The following DPP6 variants were observed in gnomAD, a reference collection of about 807,000 sequenced individuals.
The protein encoded by DPP6 is dipeptidyl peptidase like 6, also known as A-type potassium channel modulatory protein DPP6.
In DPP6, 69 loss-of-function variants were observed where a neutral mutation model predicts 122.6. The observed-to-expected ratio is 0.56, with a 90% CI of 0.46 to 0.69. DPP6 has a LOEUF of 0.69. Ranked by LOEUF, DPP6 falls within the 30% of genes least tolerant of loss-of-function variation. The pLI, the probability that DPP6 is intolerant of heterozygous loss-of-function variation, is 0.00. For missense variants in DPP6, 928 were observed against 1,116.9 expected, an observed-to-expected ratio of 0.83 and a Z score of 2.41; for synonymous variants, 418 against 433.1, an observed-to-expected ratio of 0.97 and a Z score of 0.43.
intron 1 of DPP6, among the ~76,000 whole-genome samples, chr7:153,965,579 T>G (rs150808280): frequency 6.6e-6 from 1 of 152,016 alleles, no homozygotes; most frequent in African/African-American, 2.4e-5. Flanking sequence ...GTGGCGCGAT[T>G]TCAGCTCACT....
chr7:153,936,667 T>C (rs1162188731), intron 1 of DPP6, among the ~76,000 whole-genome samples: 1 of 151,020 alleles, frequency 6.6e-6, no homozygotes. Flanking sequence ...AAAAATTAGC[T>C]GGGCGGGGTG....
intron 4 of DPP6, among the ~76,000 whole-genome samples, chr7:154,564,561 C>A (rs1830621779): frequency 6.6e-6 from 1 of 152,202 alleles, no homozygotes; most frequent in African/African-American, 2.4e-5. Context: ...AATTTGTAAA[C>A]TGTTCACTTC....
chr7:154,118,123 G>A (rs1413110751), intron 1 of DPP6, among the ~76,000 whole-genome samples: 4 of 150,118 alleles, frequency 2.7e-5, no homozygotes, highest in African/African-American at 2.5e-5. Context: ...AGCTGTGCAT[G>A]ATGATAAGGC....
At chr7:153,998,839 G>C (rs1797562696) in intron 1 of DPP6, among the ~76,000 whole-genome samples, 1 of 152,208 alleles carries the variant, frequency 6.6e-6, no homozygotes, top group South Asian at 2.1e-4. Context: ...TTACACCCCA[G>C]ACTAAAGTGC....
At chr7:153,848,636 A>T in the DPP6 span, among the ~76,000 whole-genome samples, 5 of 152,336 alleles carry the variant, frequency 3.3e-5, no homozygotes, top group African/African-American at 7.2e-5. Flanking sequence ...TTTTCTTTTT[A>T]AAAAATTTCC....
chr7:154,057,494 C>T (rs531272965), intron 1 of DPP6: 1 of 148,350 alleles, frequency 6.7e-6, no homozygotes, highest in African/African-American at 2.7e-5. Context: ...CGGCAGGTAC[C>T]TTGCGTGGGA....
intron 1 of DPP6, among the ~76,000 whole-genome samples, chr7:154,296,444 T>C (rs755916250): frequency 3.9e-5 from 6 of 152,176 alleles, no homozygotes; most frequent in South Asian, 4.1e-4. Context: ...TGACTTTATA[T>C]ACAAAGCAGC....
At chr7:154,111,598 A>C (rs201658829) in intron 1 of DPP6, among the ~76,000 whole-genome samples, 2 of 150,918 alleles carry the variant, frequency 1.3e-5, no homozygotes, top group East Asian at 3.9e-4. Flanking sequence ...TGGGATAATA[A>C]AAATGAAAAC....
At chr7:154,466,470 C>A in intron 2 of DPP6, among the ~76,000 whole-genome samples, 1 of 152,260 alleles carries the variant, frequency 6.6e-6, no homozygotes. Context: ...GCCTGCAGAC[C>A]GCACCTTCTT....
At chr7:153,966,929 T>A (rs1409033174) in intron 1 of DPP6, among the ~76,000 whole-genome samples, 1 of 151,406 alleles carries the variant, frequency 6.6e-6, no homozygotes, top group Non-Finnish European at 1.5e-5. Flanking sequence ...GAGCTGAGCT[T>A]AGTGTCATCT....
chr7:153,837,464 T>C, the DPP6 span, among the ~76,000 whole-genome samples: 3 of 152,206 alleles, frequency 2.0e-5, no homozygotes, highest in African/African-American at 4.8e-5. Context: ...AGCTAATCAA[T>C]ATGAGACACT....
At chr7:154,744,278 G>A (rs182476436) in intron 8 of DPP6, among the ~76,000 whole-genome samples, 1 of 152,158 alleles carries the variant, frequency 6.6e-6, no homozygotes, top group Non-Finnish European at 1.5e-5. Context: ...TGATCTCTCA[G>A]AGCACTTGGA....
At chr7:154,453,991 A>T (rs1820610836) in intron 2 of DPP6, among the ~76,000 whole-genome samples, 1 of 152,184 alleles carries the variant, frequency 6.6e-6, no homozygotes, top group East Asian at 1.9e-4. Flanking sequence ...AAAGTAATGC[A>T]TACCTCCTAA....
rs144387477 is a variant in DPP6, at chr7:154,782,876, C to T, written c.1136+9934C>T. Among the ~76,000 whole-genome samples, 47 of 152,126 alleles carry T rather than the reference C, an allele frequency of 3.1e-4. 1 individual carries two copies. Among genetic ancestry groups the T allele is most frequent in the African/African-American group, 1.1e-3 (45 of 41,482 alleles). Reference sequence around the variant, plus strand: ...TCGGCTCACTGCAACCTCCGCCTCCCGGGTTCAAGCAATTCTCCTGCCTCA... The same window carrying T: ...TCGGCTCACTGCAACCTCCGCCTCCTGGGTTCAAGCAATTCTCCTGCCTCA... On this transcript the variant is annotated intron_variant, in intron 10 of 25. Transcript: ENST00000377770.
chr7:153,998,941 C>A (rs1797566469), intron 1 of DPP6, among the ~76,000 whole-genome samples: 1 of 152,200 alleles, frequency 6.6e-6, no homozygotes, highest in Non-Finnish European at 1.5e-5. Flanking sequence ...TTCATTAACT[C>A]AGAAACTAGA....
chr7:154,175,031 C>T (rs982436613), intron 1 of DPP6, among the ~76,000 whole-genome samples: 6 of 151,838 alleles, frequency 4.0e-5, no homozygotes, highest in Admixed American at 1.3e-4. Flanking sequence ...CTGCAACACG[C>T]GCCCCCCACC....
At chr7:154,356,355 T>C (rs915629788) in intron 1 of DPP6, among the ~76,000 whole-genome samples, 1 of 152,234 alleles carries the variant, frequency 6.6e-6, no homozygotes, top group African/African-American at 2.4e-5. Flanking sequence ...TACTTGTGGA[T>C]TTGTTGATTA....
intron 1 of DPP6, among the ~76,000 whole-genome samples, chr7:154,291,574 A>ACC (rs753218169): frequency 5.9e-5 from 9 of 151,800 alleles, no homozygotes; most frequent in Non-Finnish European, 1.2e-4. Context: ...CATAGCCTAG[A>ACC]CTCTCTCTCC....
chr7:154,786,877 T>A (rs1203357133), intron 10 of DPP6, among the ~76,000 whole-genome samples: 1 of 152,200 alleles, frequency 6.6e-6, no homozygotes, highest in Non-Finnish European at 1.5e-5. Flanking sequence ...TCTCATACGA[T>A]GCTTTACCTG....
Sources: gnomAD v4.1 joint callset for allele counts (sites outside exome capture counted in the v4.1 genomes callset) on GRCh38, gnomAD v4.1.1 for gene constraint, MANE v1.5 for transcripts, NCBI Gene and HGNC (gene_info 2026-07-23, HGNC 2026-07-21) for gene names.